KIZ: variants seen among roughly 807,000 people sequenced by gnomAD.
KIZ encodes the protein kizuna centrosomal protein, also known as centrosomal protein kizuna.
Under a neutral mutation model 79.6 loss-of-function variants are expected in KIZ, and 68 were observed. The ratio of observed to expected loss-of-function variants is 0.85; its 90% CI spans 0.70 to 1.05. The LOEUF (loss-of-function observed/expected upper bound fraction) is 1.05. Ranked by LOEUF, KIZ falls within the 50% of genes least tolerant of loss-of-function variation. The pLI is 0.00. For synonymous variants in KIZ, 280 were observed against 281.8 expected (o/e 0.99, Z 0.06); for missense variants, 797 against 800.4 (o/e 1.00, Z 0.05).
At chr20:21,210,362 T>C (rs758022352) in intron 7 of KIZ, among the ~76,000 whole-genome samples, 65 of 152,202 alleles carry the variant, frequency 4.3e-4, no homozygotes, top group Middle Eastern at 3.4e-3. Flanking sequence ...ATTATTTGTA[T>C]ACATAAATAC....
At chr20:21,170,167 A>T (rs896673300) in intron 6 of KIZ, among the ~76,000 whole-genome samples, 1 of 152,166 alleles carries the variant, frequency 6.6e-6, no homozygotes, top group African/African-American at 2.4e-5. Context: ...TTGTAGATAC[A>T]TAGTAGGTAT....
chr20:21,155,668 G>A (rs898041287), intron 4 of KIZ, among the ~76,000 whole-genome samples: 1 of 152,108 alleles, frequency 6.6e-6, no homozygotes, highest in Non-Finnish European at 1.5e-5. Flanking sequence ...GCTTTTAAAA[G>A]GATAAGTTTT....
At chr20:21,170,762 C>T (rs2034169966) in intron 6 of KIZ, among the ~76,000 whole-genome samples, 1 of 152,074 alleles carries the variant, frequency 6.6e-6, no homozygotes, top group Non-Finnish European at 1.5e-5. Context: ...TTCTCTCCGC[C>T]CCCGAACTCC....
chr20:21,149,950 G>A (rs2033036769), intron 4 of KIZ, among the ~76,000 whole-genome samples: 2 of 152,220 alleles, frequency 1.3e-5, no homozygotes, highest in Admixed American at 6.5e-5. Context: ...AGCACAGATA[G>A]AAAAGAGAGG....
chr20:21,188,986 G>C (rs144092104), intron 6 of KIZ, among the ~76,000 whole-genome samples: 6 of 152,026 alleles, frequency 3.9e-5, no homozygotes, highest in African/African-American at 1.4e-4. Context: ...GGGATTACAG[G>C]TGTGAGCCAC....
chr20:21,176,675 T>C (rs990514123), intron 6 of KIZ, among the ~76,000 whole-genome samples: 2 of 151,678 alleles, frequency 1.3e-5, no homozygotes, highest in African/African-American at 2.4e-5. Flanking sequence ...AAATAACTGA[T>C]TAATATGCTA....
chr20:21,132,063 C>T, intron 1 of KIZ, 34 bp from the exon 2 acceptor site: 1 of 876,804 alleles, frequency 1.1e-6, no homozygotes, highest in Non-Finnish European at 1.8e-6. Context: ...TGTTACTTAT[C>T]ATGTAATTAC....
intron 12 of KIZ, chr20:21,245,754 A>G (rs933238342): frequency 5.3e-5 from 8 of 152,366 alleles, no homozygotes; most frequent in African/African-American, 1.9e-4. Context: ...AGGCAGCCCA[A>G]AGTACCAGGG....
chr20:21,132,318 G>T (rs1173894770), intron 2 of KIZ, among the ~76,000 whole-genome samples, 159 bp downstream of exon 2: 2 of 152,160 alleles, frequency 1.3e-5, no homozygotes, highest in Non-Finnish European at 2.9e-5. Flanking sequence ...TTTCGCTCAG[G>T]CTGGAGTGCA....
intron 3 of KIZ, among the ~76,000 whole-genome samples, chr20:21,142,298 A>G (rs890579006): frequency 6.6e-6 from 1 of 151,980 alleles, no homozygotes; most frequent in Non-Finnish European, 1.5e-5. Context: ...AATTGTTTAC[A>G]TGTCTGTTTT....
chr20:21,173,577 CA>C (rs749330317), intron 6 of KIZ, among the ~76,000 whole-genome samples: 412 of 37,308 alleles, frequency 0.011, 1 homozygote, highest in African/African-American at 0.02. Flanking sequence ...GATGCCGTCT[CA>C]AAAAAAAAAA....
chr20:21,217,291 T>A, intron 9 of KIZ, among the ~76,000 whole-genome samples: 1 of 152,250 alleles, frequency 6.6e-6, no homozygotes, highest in East Asian at 1.9e-4. Context: ...ATACTGTTGC[T>A]TTGTCCATCA....
At chr20:21,181,675 T>G (rs2034662048) in intron 6 of KIZ, among the ~76,000 whole-genome samples, 1 of 152,180 alleles carries the variant, frequency 6.6e-6, no homozygotes, top group Non-Finnish European at 1.5e-5. Flanking sequence ...CCCAGGCTGG[T>G]CTTGAACTTC....
At chr20:21,241,318 T>C (rs1016736836) in intron 11 of KIZ, among the ~76,000 whole-genome samples, 4 of 152,196 alleles carry the variant, frequency 2.6e-5, no homozygotes, top group African/African-American at 9.7e-5. Context: ...CACATTTACT[T>C]TCAGAGATTT....
intron 6 of KIZ, among the ~76,000 whole-genome samples, chr20:21,184,157 T>G (rs78502956): frequency 0.015 from 2,206 of 151,788 alleles, 53 homozygotes; most frequent in African/African-American, 0.05. Context: ...TTTTTTTTTT[T>G]TTTTTTTGAG....
intron 6 of KIZ, chr20:21,194,074 G>A (rs919108699): frequency 3.3e-5 from 5 of 152,144 alleles, no homozygotes; most frequent in Admixed American, 3.3e-4. Flanking sequence ...AGCCTGGAGT[G>A]GAGTTGTCTC....
chr20:21,241,795 AAC>A (rs1193714519), intron 11 of KIZ, among the ~76,000 whole-genome samples: 4 of 152,226 alleles, frequency 2.6e-5, no homozygotes, highest in Admixed American at 6.5e-5. Flanking sequence ...AGTGACGACT[AAC>A]ACACACTCGC....
intron 11 of KIZ, among the ~76,000 whole-genome samples, chr20:21,236,613 T>G (rs2037015154): frequency 6.6e-6 from 1 of 152,188 alleles, no homozygotes; most frequent in Non-Finnish European, 1.5e-5. Flanking sequence ...TGAGTCTCAT[T>G]GCCACACTCA....
chr20:21,206,354 G>A (rs1347311892), intron 7 of KIZ, among the ~76,000 whole-genome samples: 1 of 152,162 alleles, frequency 6.6e-6, no homozygotes, highest in Non-Finnish European at 1.5e-5. Flanking sequence ...TGGGCTTTCA[G>A]GAAAGAGAGC....
Sources: gnomAD v4.1 joint callset for allele counts (sites outside exome capture counted in the v4.1 genomes callset) on GRCh38, gnomAD v4.1.1 for gene constraint, MANE v1.5 for transcripts, NCBI Gene and HGNC (gene_info 2026-07-23, HGNC 2026-07-21) for gene names.